NRXN1: variants seen among roughly 807,000 people sequenced by gnomAD.
NRXN1 encodes the protein neurexin-1.
In NRXN1, 39 loss-of-function variants were observed where a neutral mutation model predicts 150.9. The ratio of observed to expected loss-of-function variants is 0.26; its 90% confidence interval spans 0.20 to 0.34. The LOEUF (loss-of-function observed/expected upper bound fraction) is 0.34. Ranked by LOEUF, NRXN1 falls within the 10% of genes least tolerant of loss-of-function variation. The pLI is 1.00. For synonymous variants in NRXN1, 924 were observed against 757.0 expected (o/e 1.22, Z -3.62); for missense variants, 1,815 against 1,949.9 (o/e 0.93, Z 1.30).
At chr2:50,259,447 G>C (rs1259695685) in intron 17 of NRXN1, among the ~76,000 whole-genome samples, 1 of 151,722 alleles carries the variant, frequency 6.6e-6, no homozygotes, top group Non-Finnish European at 1.5e-5. Flanking sequence ...CCTTCCTCCA[G>C]GTAAGCATAC....
At chr2:50,293,456 C>T (rs893509440) in intron 17 of NRXN1, among the ~76,000 whole-genome samples, 2 of 152,112 alleles carry the variant, frequency 1.3e-5, no homozygotes, top group African/African-American at 4.8e-5. Context: ...GAAGGTAGCC[C>T]TGCATAGGGA....
At chr2:50,382,228 C>T (rs2081023270) in intron 17 of NRXN1, among the ~76,000 whole-genome samples, 1 of 152,174 alleles carries the variant, frequency 6.6e-6, no homozygotes, top group Admixed American at 6.6e-5. Flanking sequence ...CACCAAATAT[C>T]ATCTTGTTAA....
intron 2 of NRXN1, among the ~76,000 whole-genome samples, chr2:51,014,572 A>T (rs1279874385): frequency 6.6e-6 from 1 of 151,996 alleles, no homozygotes; most frequent in Non-Finnish European, 1.5e-5. Context: ...CACAGGAGAG[A>T]TTATCCTATG....
At chr2:50,557,737 T>C (rs1668461083) in intron 8 of NRXN1, among the ~76,000 whole-genome samples, 1 of 152,216 alleles carries the variant, frequency 6.6e-6, no homozygotes, top group South Asian at 2.1e-4. Flanking sequence ...ATAAATAACA[T>C]TTCTTATTCT....
At chr2:50,719,707 C>T (rs750980753) in intron 5 of NRXN1, among the ~76,000 whole-genome samples, 2 of 152,036 alleles carry the variant, frequency 1.3e-5, no homozygotes, top group African/African-American at 2.4e-5. Flanking sequence ...ACAACAATAA[C>T]AACAATCATT....
intron 5 of NRXN1, among the ~76,000 whole-genome samples, chr2:50,739,653 T>C (rs1156993989): frequency 6.6e-6 from 1 of 152,180 alleles, no homozygotes; most frequent in Non-Finnish European, 1.5e-5. Flanking sequence ...ACAGTTTAAA[T>C]CAATGTTTTA....
chr2:50,099,153 C>T (rs143974169), intron 18 of NRXN1, among the ~76,000 whole-genome samples: 224 of 151,980 alleles, frequency 1.5e-3, no homozygotes, highest in Non-Finnish European at 2.1e-3. Flanking sequence ...CTAAGAATGT[C>T]TAATAAAATT....
chr2:50,243,927 TAA>T (rs2066269270), intron 17 of NRXN1, among the ~76,000 whole-genome samples: 1 of 151,850 alleles, frequency 6.6e-6, no homozygotes, highest in Non-Finnish European at 1.5e-5. Flanking sequence ...ATGAAATAAC[TAA>T]AAGTTACTGT....
chr2:50,502,979 C>T (rs929953185), intron 13 of NRXN1, among the ~76,000 whole-genome samples: 1 of 152,028 alleles, frequency 6.6e-6, no homozygotes, highest in Admixed American at 6.6e-5. Context: ...GTGTGGTAGA[C>T]AAAAGTTGTA....
At chr2:49,925,942 C>T (rs766027233) in intron 22 of NRXN1, among the ~76,000 whole-genome samples, 3 of 152,104 alleles carry the variant, frequency 2.0e-5, no homozygotes, top group Non-Finnish European at 2.9e-5. Flanking sequence ...TTAACTCCGA[C>T]GTGTAGGTAA....
At chr2:50,087,918 A>G (rs1699027085) in intron 19 of NRXN1, among the ~76,000 whole-genome samples, 1 of 152,170 alleles carries the variant, frequency 6.6e-6, no homozygotes, top group Admixed American at 6.5e-5. Context: ...AGCACTTACC[A>G]CAAAGACCTA....
chr2:50,961,946 T>C (rs1693258800), intron 2 of NRXN1, among the ~76,000 whole-genome samples: 1 of 148,440 alleles, frequency 6.7e-6, no homozygotes, highest in Non-Finnish European at 1.5e-5. Flanking sequence ...GAATAATTTC[T>C]GGACTAGGCC....
chr2:50,364,848 T>G (rs1223863917), intron 17 of NRXN1, among the ~76,000 whole-genome samples: 1 of 152,082 alleles, frequency 6.6e-6, no homozygotes, highest in African/African-American at 2.4e-5. Context: ...ATCAAAGTTT[T>G]AGTTATTTTT....
At chr2:50,784,613 G>C (rs866251614) in intron 5 of NRXN1, among the ~76,000 whole-genome samples, 3 of 152,034 alleles carry the variant, frequency 2.0e-5, no homozygotes, top group African/African-American at 7.2e-5. Flanking sequence ...GGACATAATC[G>C]GAAGCTTAAA....
chr2:50,654,205 A>ACTGGT (rs1217219446), intron 5 of NRXN1, among the ~76,000 whole-genome samples: 1 of 36,722 alleles, frequency 2.7e-5, no homozygotes, highest in African/African-American at 8.2e-5. Flanking sequence ...AACAGGCCCC[A>ACTGGT]GTGTGATGTT....
intron 5 of NRXN1, among the ~76,000 whole-genome samples, chr2:50,794,563 T>C (rs1706519154): frequency 6.6e-6 from 1 of 152,114 alleles, no homozygotes; most frequent in Admixed American, 6.6e-5. Context: ...TAATCAAATC[T>C]GCATTGTAAT....
intron 2 of NRXN1, among the ~76,000 whole-genome samples, chr2:50,971,268 C>A (rs1031758049): frequency 6.6e-6 from 1 of 152,052 alleles, no homozygotes; most frequent in East Asian, 1.9e-4. Flanking sequence ...GGCTGAAATT[C>A]GATGATTCCA....
intron 21 of NRXN1, among the ~76,000 whole-genome samples, chr2:49,945,456 T>C (rs1027220414): frequency 4.0e-5 from 6 of 151,886 alleles, no homozygotes; most frequent in Admixed American, 1.3e-4. Flanking sequence ...GTTACATATG[T>C]ATACACGTGC....
At chr2:49,992,782 T>C (rs1039132315) in intron 21 of NRXN1, among the ~76,000 whole-genome samples, 2 of 152,100 alleles carry the variant, frequency 1.3e-5, no homozygotes, top group African/African-American at 4.8e-5. Flanking sequence ...AAAAGAGATA[T>C]AGATGGCAAT....
Sources: gnomAD v4.1 joint callset for allele counts (sites outside exome capture counted in the v4.1 genomes callset) on GRCh38, gnomAD v4.1.1 for gene constraint, MANE v1.5 for transcripts, NCBI Gene and HGNC (gene_info 2026-07-23, HGNC 2026-07-21) for gene names.